Variants in FAM124B observed in about 807,000 individuals in gnomAD.
FAM124B encodes the protein family with sequence similarity 124 member B, also known as protein FAM124B.
Under a neutral mutation model 19.7 loss-of-function variants are expected in FAM124B, and 18 were observed. The observed-to-expected ratio is 0.92, with a 90% CI of 0.63 to 1.36. The LOEUF (loss-of-function observed/expected upper bound fraction) is 1.36, where lower values mean the gene tolerates loss of function less well. Among genes scored for constraint, FAM124B ranks in the 40% most tolerant of loss-of-function variants. The pLI is 0.00. For missense variants in FAM124B, 540 were observed against 553.3 expected, an observed-to-expected ratio of 0.98 and a Z score of 0.24; for synonymous variants, 223 against 225.2, an observed-to-expected ratio of 0.99 and a Z score of 0.09.
chr2:224,397,006 C>A (rs1689982737), intron 1 of FAM124B, among the ~76,000 whole-genome samples: 1 of 152,214 alleles, frequency 6.6e-6, no homozygotes, highest in Non-Finnish European at 1.5e-5. Context: ...CCCCAGGACC[C>A]AAGGAAGTTT....
At chr2:224,396,863 G>A (rs1689980571) in intron 1 of FAM124B, among the ~76,000 whole-genome samples, 1 of 152,202 alleles carries the variant, frequency 6.6e-6, no homozygotes, top group Admixed American at 6.5e-5. Context: ...CAGCCAGCTG[G>A]CGACCCTGGC....
chr2:224,401,402 G>GCTGA lies in FAM124B; in HGVS notation c.363_366dup (p.Leu123SerfsTer26). On this transcript the variant is annotated frameshift_variant, in exon 1 of 2. Coordinates refer to ENST00000409685, the MANE Select transcript of FAM124B (RefSeq NM_001122779.2). LOFTEE classifies it high-confidence loss of function. Reference sequence around the variant, plus strand: ...ACCTGCCTCACCCCCCAGATGGGCAGCTGACTGTCCAGGCTGTAGAACTCC... The same window carrying GCTGA: ...ACCTGCCTCACCCCCCAGATGGGCAGCTGACTGACTGTCCAGGCTGTAGAACTCC... The GCTGA allele has an allele frequency of 6.2e-7, 1 of 1,614,114 alleles. No homozygotes were observed. The highest frequency in any genetic ancestry group is 2.2e-5 in the East Asian group (1 of 44,878).
intron 1 of FAM124B, among the ~76,000 whole-genome samples, chr2:224,392,786 T>TA (rs1266688409): frequency 1.4e-5 from 2 of 147,376 alleles, no homozygotes; most frequent in African/African-American, 5.0e-5. Flanking sequence ...AGATAAGAGA[T>TA]AAAGTTTTGT....
intron 1 of FAM124B, among the ~76,000 whole-genome samples, chr2:224,397,535 G>A (rs771306475): frequency 6.6e-6 from 1 of 152,196 alleles, no homozygotes; most frequent in Non-Finnish European, 1.5e-5. Flanking sequence ...GGCAGAGGTT[G>A]GAACAGTCTG....
intron 1 of FAM124B, among the ~76,000 whole-genome samples, chr2:224,397,961 C>A (rs917353483): frequency 6.6e-6 from 1 of 152,204 alleles, no homozygotes; most frequent in Non-Finnish European, 1.5e-5. Flanking sequence ...TCTTTGTCTG[C>A]CGCCATCCAT....
intron 1 of FAM124B, chr2:224,400,319 C>A: frequency 1.7e-6 from 1 of 580,234 alleles, no homozygotes. Flanking sequence ...ACAAGCTCGG[C>A]CAACATAGTG....
In FAM124B at chr2:224,392,009, C is replaced by T. The variant is rs567448934; in HGVS notation, c.732+9028G>A. 2.6e-4 allele frequency among the ~76,000 whole-genome samples: 40 copies of T among 152,204 alleles called. 1 individual carries two copies. The highest frequency in any genetic ancestry group is 3.9e-4 in the Admixed American group (6 of 15,272). On this transcript the variant is annotated intron_variant, in intron 1 of 1. Coordinates refer to ENST00000409685, the MANE Select transcript of FAM124B (RefSeq NM_001122779.2). ...ATCTGACTTTGAGAGTCAGTATAGT[C>T]TCAGTACAGGGAGGTAACATATGTT...
At chr2:224,382,452 C>A (rs1216645988) in intron 1 of FAM124B, among the ~76,000 whole-genome samples, 1 of 138,952 alleles carries the variant, frequency 7.2e-6, no homozygotes, top group Non-Finnish European at 1.5e-5. Flanking sequence ...TCTTGTTGCC[C>A]AATCTGGAGT....
rs556186628 is a variant in FAM124B at position 224,389,252 on chromosome 2, G to A, written c.733-9044C>T. 2.0e-5 allele frequency among the ~76,000 whole-genome samples: 3 copies of A among 152,318 alleles called. No homozygotes were observed. The South Asian group carries it at 6.2e-4, about 32-fold the overall frequency. On this transcript the variant is annotated intron_variant, in intron 1 of 1. Transcript: ENST00000409685. Reference sequence around the variant, plus strand: ...TGGCCTGCAAAGGGAGATTCTAGTAGGGGTCTGATGTGAAGGTCTTTAAAG... The same window carrying A: ...TGGCCTGCAAAGGGAGATTCTAGTAAGGGTCTGATGTGAAGGTCTTTAAAG...
intron 1 of FAM124B, chr2:224,399,615 T>C (rs1690029932): frequency 2.6e-5 from 4 of 152,174 alleles, no homozygotes; most frequent in Admixed American, 2.0e-4. Flanking sequence ...ACACATACAC[T>C]GGACTGCAGC....
intron 1 of FAM124B, among the ~76,000 whole-genome samples, chr2:224,380,932 C>T (rs1323230778): frequency 6.6e-6 from 1 of 152,196 alleles, no homozygotes; most frequent in Admixed American, 6.5e-5. Context: ...CAGTTGACTG[C>T]ACTCTCCCTC....
rs869175131 is a variant in FAM124B at position 224,390,700 on chromosome 2, T to TTTTG, written c.732+10333_732+10336dup. 4.0e-5 allele frequency among the ~76,000 whole-genome samples: 5 copies of TTTTG among 126,084 alleles called. No individual in the cohort carries two copies. In the East Asian group the frequency reaches 6.9e-4, roughly 18 times the overall value. 82.7% of individuals were successfully genotyped at this position (126,084 alleles called of 152,430 possible). A position where few individuals can be genotyped will look rare whatever the true frequency, so the allele number is the denominator to read the frequency against. On this transcript the variant is annotated intron_variant, in intron 1 of 1. Transcript: ENST00000409685. ...CCAATACTTGTCAACAAACTTTTTT[T>TTTTG]TTTGTTTGTTTGTTTTTTAAGACAG...
At chr2:224,383,353 C>T (rs184977533) in intron 1 of FAM124B, among the ~76,000 whole-genome samples, 8 of 152,220 alleles carry the variant, frequency 5.3e-5, no homozygotes, top group Non-Finnish European at 5.9e-5. Context: ...ACCCGACCTC[C>T]TCCTCCATAT....
At position 224,379,912 on chromosome 2, in the gene FAM124B, G is replaced by A; in HGVS notation, c.1029C>T (p.Ala343=). 6.4e-7 allele frequency: 1 copy of A among 1,551,890 alleles called. No individual in the cohort carries two copies. ...HLSSHHLESG[A]RMKVLNRENS... ...TTTCCCGGTTGAGGACCTTCATTCT[G>A]GCCCCGGATTCAAGGTGATGAGAAG... The change falls in exon 2 of 2, where the codon GCC becomes GCT. Residue 343 remains alanine, a synonymous_variant. Transcript: ENST00000409685.
At chr2:224,382,822 C>T (rs1689745050) in intron 1 of FAM124B, among the ~76,000 whole-genome samples, 1 of 152,182 alleles carries the variant, frequency 6.6e-6, no homozygotes, top group Non-Finnish European at 1.5e-5. Context: ...GACCCCCTCT[C>T]TAGTTCCCCA....
intron 1 of FAM124B, among the ~76,000 whole-genome samples, chr2:224,380,789 G>A (rs375411144): frequency 2.0e-5 from 3 of 152,166 alleles, no homozygotes; most frequent in Admixed American, 2.0e-4. Flanking sequence ...CATTTATTTA[G>A]ATTAGAGGCC....
chr2:224,384,767 C>G (rs1239017554), intron 1 of FAM124B, among the ~76,000 whole-genome samples: 1 of 152,198 alleles, frequency 6.6e-6, no homozygotes, highest in Non-Finnish European at 1.5e-5. Flanking sequence ...GCGAAACTTA[C>G]CTGCAGCTTC....
At chr2:224,396,725 G>T (rs532182953) in intron 1 of FAM124B, among the ~76,000 whole-genome samples, 1 of 152,200 alleles carries the variant, frequency 6.6e-6, no homozygotes, top group Non-Finnish European at 1.5e-5. Flanking sequence ...TTTCCTGCAC[G>T]TAATAATTGA....
At chr2:224,396,671 C>G (rs139245057) in intron 1 of FAM124B, among the ~76,000 whole-genome samples, 326 of 152,312 alleles carry the variant, frequency 2.1e-3, no homozygotes, top group African/African-American at 7.4e-3. Flanking sequence ...GGGGTAGAAG[C>G]CAGAGCCTTT....
Sources: allele counts gnomAD v4.1 joint callset (sites outside exome capture counted in the v4.1 genomes callset), GRCh38; gene constraint gnomAD v4.1.1; transcripts MANE v1.5; gene names NCBI Gene and HGNC (gene_info 2026-07-23, HGNC 2026-07-21).